The following PCDH15 variants were observed in gnomAD, a reference collection of about 807,000 sequenced individuals.
PCDH15 encodes the protein protocadherin related 15.
Under a neutral mutation model 178.5 loss-of-function variants are expected in PCDH15, and 129 were observed. That is an observed-to-expected ratio of 0.72 (90% CI 0.63 to 0.84). The LOEUF (loss-of-function observed/expected upper bound fraction) is 0.84. Among genes scored for constraint, PCDH15 ranks in the 40% least tolerant of loss-of-function variants. PCDH15 has a pLI of 0.00. For synonymous variants in PCDH15, 800 were observed against 732.0 expected, an observed-to-expected ratio of 1.09 and a Z score of -1.50; for missense variants, 2,230 against 2,099.9, an observed-to-expected ratio of 1.06 and a Z score of -1.21.
At chr10:54,357,541 A>G (rs1317622524) in intron 5 of PCDH15, among the ~76,000 whole-genome samples, 4 of 152,150 alleles carry the variant, frequency 2.6e-5, no homozygotes, top group Non-Finnish European at 5.9e-5. Context: ...AGAACATTCC[A>G]TGCTCATGGG....
intron 1 of PCDH15, among the ~76,000 whole-genome samples, chr10:54,757,099 T>G (rs563713422): frequency 2.0e-5 from 3 of 152,308 alleles, no homozygotes; most frequent in African/African-American, 4.8e-5. Flanking sequence ...AAATTTGCTT[T>G]ATGAATGTTC....
upstream of PCDH15, among the ~76,000 whole-genome samples, chr10:54,805,379 C>T (rs967844077): frequency 9.2e-5 from 14 of 152,140 alleles, no homozygotes; most frequent in African/African-American, 2.2e-4. Context: ...TCATTCTAGA[C>T]GACTTATTGT....
At chr10:54,182,428 G>C (rs1325387988) in intron 13 of PCDH15, among the ~76,000 whole-genome samples, 1 of 151,880 alleles carries the variant, frequency 6.6e-6, no homozygotes, top group East Asian at 1.9e-4. Flanking sequence ...TTTTCCATTT[G>C]GAGTAAGGGA....
chr10:54,537,022 A>C (rs2084628722), intron 2 of PCDH15, among the ~76,000 whole-genome samples: 1 of 68,218 alleles, frequency 1.5e-5, no homozygotes, highest in Non-Finnish European at 2.6e-5. Context: ...TTTTTTTGAG[A>C]CGGCGTCTCT....
chr10:55,364,967 A>T (rs998032075), intron 2 of PCDH15, among the ~76,000 whole-genome samples: 3 of 152,132 alleles, frequency 2.0e-5, no homozygotes, highest in African/African-American at 7.2e-5. Context: ...GTTCTTTAAA[A>T]AAATTATCTT....
chr10:55,497,335 A>G (rs1162555080), intron 2 of PCDH15, among the ~76,000 whole-genome samples: 1 of 151,434 alleles, frequency 6.6e-6, no homozygotes, highest in Non-Finnish European at 1.5e-5. Flanking sequence ...AGGTCTCACT[A>G]TGTTGTCCAT....
intron 2 of PCDH15, among the ~76,000 whole-genome samples, chr10:54,620,520 A>G (rs2093321607): frequency 6.6e-6 from 1 of 152,070 alleles, no homozygotes; most frequent in Non-Finnish European, 1.5e-5. Context: ...AAGGTCAAGG[A>G]TACTGAATGT....
intron 3 of PCDH15, among the ~76,000 whole-genome samples, chr10:54,479,719 C>T (rs971934854): frequency 2.0e-5 from 3 of 152,090 alleles, no homozygotes; most frequent in African/African-American, 7.2e-5. Flanking sequence ...ATTCCCTCTA[C>T]TTACCCGTTT....
At chr10:53,950,438 T>C (rs1044859363) in intron 23 of PCDH15, among the ~76,000 whole-genome samples, 2 of 152,080 alleles carry the variant, frequency 1.3e-5, no homozygotes, top group African/African-American at 4.8e-5. Context: ...CATTTTTAAA[T>C]AAAAAACAAA....
rs542209953 is a variant in PCDH15, at chr10:55,525,997, C to T, written c.-156+101628G>A. Among the ~76,000 whole-genome samples, 6 of 151,980 alleles carry T rather than the reference C, an allele frequency of 3.9e-5. No individual in the cohort carries two copies. In the South Asian group the frequency reaches 6.2e-4, roughly 16 times the overall value. ...AATGAGTCATTAGATTGAGAGTTGT[C>T]AGGATCAATAAATGTGCATTTTAAA... On this transcript the variant is annotated intron_variant, in intron 2 of 5. Transcript: ENST00000613346.
intron 20 of PCDH15, among the ~76,000 whole-genome samples, chr10:54,015,445 C>G (rs188680915): frequency 6.6e-6 from 1 of 152,196 alleles, no homozygotes; most frequent in African/African-American, 2.4e-5. Flanking sequence ...ATAGCTAAGA[C>G]AATCCAAAGC....
At chr10:53,827,041 A>G (rs1027213983) in intron 32 of PCDH15, among the ~76,000 whole-genome samples, 3 of 151,788 alleles carry the variant, frequency 2.0e-5, no homozygotes, top group Non-Finnish European at 4.4e-5. Context: ...TATTTTTCAG[A>G]ATCTATTTAT....
intron 1 of PCDH15, among the ~76,000 whole-genome samples, chr10:55,182,849 T>C (rs1189881213): frequency 6.6e-6 from 1 of 151,982 alleles, no homozygotes; most frequent in Non-Finnish European, 1.5e-5. Flanking sequence ...CAAGACCTTG[T>C]GACAAAGCAG....
Position 53,961,877 on chromosome 10 carries a change from G to T in PCDH15, c.2884C>A (p.Arg962Ser). The change falls in exon 22 of 38, where the codon CGT (arginine) becomes AGT (serine). Residue 962 changes from arginine to serine, a missense_variant. Transcript: ENST00000644397. Reference protein sequence around the residue: ...DADPPGLPASRVRYRVDDVQF... With the variant: ...DADPPGLPASSVRYRVDDVQF... ...ACATCATCTACTCTATACCTCACAC[G>T]ACTTGCAGGTAATCCCTAAAATAAA... is the stretch of plus-strand genomic sequence containing the variant. 6.2e-7 allele frequency: 1 copy of T among 1,608,486 alleles called. No individual in the cohort carries two copies. Among genetic ancestry groups the T allele is most frequent in the Non-Finnish European group, 8.5e-7 (1 of 1,175,690 alleles).
chr10:55,613,062 C>T (rs1309129367), intron 2 of PCDH15, among the ~76,000 whole-genome samples: 4 of 126,466 alleles, frequency 3.2e-5, no homozygotes, highest in Non-Finnish European at 4.7e-5. Context: ...CTCTCTCTGT[C>T]GCCCAGGCTG....
intron 2 of PCDH15, among the ~76,000 whole-genome samples, chr10:55,394,213 C>A (rs1032616638): frequency 6.4e-5 from 3 of 46,584 alleles, no homozygotes; most frequent in African/African-American, 2.9e-4. Context: ...GCTTCTACAA[C>A]TATAACACTA....
intron 2 of PCDH15, among the ~76,000 whole-genome samples, chr10:55,059,010 G>A (rs914410642): frequency 2.6e-4 from 40 of 152,128 alleles, no homozygotes; most frequent in African/African-American, 9.7e-4. Context: ...AGTTTCCAAC[G>A]GTAATTAAAT....
intron 1 of PCDH15, among the ~76,000 whole-genome samples, chr10:54,780,910 T>C (rs1950295674): frequency 6.6e-6 from 1 of 152,024 alleles, no homozygotes; most frequent in African/African-American, 2.4e-5. Context: ...CCCAATAAAA[T>C]GTAAAGCTCC....
chr10:54,906,012 A>G (rs1954715456), intron 2 of PCDH15, among the ~76,000 whole-genome samples: 1 of 152,100 alleles, frequency 6.6e-6, no homozygotes, highest in Non-Finnish European at 1.5e-5. Context: ...CATAAAGGGA[A>G]CTCTTTAGTA....
Sources: allele counts gnomAD v4.1 joint callset (sites outside exome capture counted in the v4.1 genomes callset), GRCh38; gene constraint gnomAD v4.1.1; transcripts MANE v1.5; gene names NCBI Gene and HGNC (gene_info 2026-07-23, HGNC 2026-07-21).